ACTR3: variants seen among roughly 807,000 people sequenced by gnomAD.
ACTR3 encodes actin related protein 3.
Under a neutral mutation model 56.8 loss-of-function variants are expected in ACTR3, and 12 were observed. That is an observed-to-expected ratio of 0.21 (90% CI 0.14 to 0.34). ACTR3 has a LOEUF of 0.34. ACTR3 is among the 10% of genes least tolerant of loss of function. The pLI is 1.00. For synonymous variants in ACTR3, 162 were observed against 167.4 expected, an observed-to-expected ratio of 0.97 and a Z score of 0.25; for missense variants, 282 against 512.5, an observed-to-expected ratio of 0.55 and a Z score of 4.34.
rs1680319052 is a variant in ACTR3, at chr2:113,961,198, G to A, written c.*3743G>A. 1 of 151,916 alleles carries A rather than the reference G, an allele frequency of 6.6e-6. No individual in the cohort carries two copies. The highest frequency in any genetic ancestry group is 1.5e-5 in the Non-Finnish European group (1 of 67,906). The allele number at this position is 151,916 out of a possible 1,614,324, so 9.4% of individuals were successfully genotyped here. On this transcript the variant is annotated 3_prime_UTR_variant, in exon 12 of 12. Transcript: ENST00000263238. ...GATATGAGAACTTTTATTATAATTT[G>A]CCTCAGTCTTGATAGAATCTTAACA...
chr2:113,934,591 A>G (rs2104612606), intron 6 of ACTR3: 1 of 348,118 alleles, frequency 2.9e-6, no homozygotes. Flanking sequence ...TTGTACTGCA[A>G]TTAAGAAAAT....
In ACTR3 at chr2:113,960,193, A is replaced by G. The variant is rs1303720346; in HGVS notation, c.*2738A>G. On this transcript the variant is annotated 3_prime_UTR_variant, in exon 12 of 12. Coordinates refer to ENST00000263238, the MANE Select transcript of ACTR3 (RefSeq NM_005721.5). ...TGGACAAATAAAATCAATGATCATT[A>G]TCTAACTTGATGCCTGCTTTTCAAA... 6.6e-6 allele frequency: 1 copy of G among 151,992 alleles called. No individual in the cohort carries two copies. 9.4% of individuals were successfully genotyped at this position (151,992 alleles called of 1,614,324 possible). A position where few individuals can be genotyped will look rare whatever the true frequency, so the allele number is the denominator to read the frequency against.
At chr2:113,927,004 T>A (rs1679633268) in intron 3 of ACTR3, among the ~76,000 whole-genome samples, 1 of 152,228 alleles carries the variant, frequency 6.6e-6, no homozygotes, top group Non-Finnish European at 1.5e-5. Flanking sequence ...TAAAGTATAG[T>A]TTTTTAGGCT....
intron 1 of ACTR3, 63 bp from the exon 2 acceptor site, chr2:113,913,109 A>T: frequency 8.9e-7 from 1 of 1,124,626 alleles, no homozygotes; most frequent in Non-Finnish European, 1.3e-6. Flanking sequence ...ATGAAATTCT[A>T]AGAAAGAAAT....
At position 113,890,134 on chromosome 2, in the gene ACTR3, A is replaced by G. The variant is rs867851093; in HGVS notation, c.-146A>G. The G allele has an allele frequency of 6.0e-6, 6 of 1,006,646 alleles. No individual in the cohort carries two copies. The Admixed American group carries it at 6.4e-5, about 11-fold the overall frequency. 62.4% of individuals were successfully genotyped at this position (1,006,646 alleles called of 1,614,324 possible). ...CGACCGAGCCTGCTGCTTTCTTGCT[A>G]CTGCTTCGGCTTCCCGGCTACCCCC... On this transcript the variant is annotated 5_prime_UTR_variant, in exon 1 of 12. Coordinates refer to ENST00000263238, the MANE Select transcript of ACTR3 (RefSeq NM_005721.5).
rs896676691 is a variant in ACTR3, at chr2:113,958,182, AAAC to A, written c.*736_*738del. ...GTAGTGTCATTTCTTATAAAAAACA[AAAC>A]AACAACAATAATTTATCAAAATTGG... is the stretch of plus-strand genomic sequence containing the variant. On this transcript the variant is annotated 3_prime_UTR_variant, in exon 12 of 12. Coordinates refer to ENST00000263238, the MANE Select transcript of ACTR3 (RefSeq NM_005721.5). 1.9e-4 allele frequency: 29 copies of A among 152,754 alleles called. No individual in the cohort carries two copies. In the East Asian group the frequency reaches 3.7e-3, roughly 19 times the overall value. 9.5% of individuals were successfully genotyped at this position (152,754 alleles called of 1,614,324 possible). A position where few individuals can be genotyped will look rare whatever the true frequency, so the allele number is the denominator to read the frequency against.
At position 113,922,090 on chromosome 2, in the gene ACTR3, A is replaced by C. The variant is rs1358550290; in HGVS notation, c.225+5082A>C. 5.3e-5 allele frequency among the ~76,000 whole-genome samples: 8 copies of C among 152,306 alleles called. No homozygotes were observed. In the East Asian group the frequency reaches 1.5e-3, roughly 29 times the overall value. Reference sequence around the variant, plus strand: ...TTGTAACCTGAATGAGAATAGTTTTAGAAGAGTAGTTGGGCTAGATGAAAG... The same window carrying C: ...TTGTAACCTGAATGAGAATAGTTTTCGAAGAGTAGTTGGGCTAGATGAAAG... On this transcript the variant is annotated intron_variant, in intron 3 of 11. Coordinates refer to ENST00000263238, the MANE Select transcript of ACTR3 (RefSeq NM_005721.5).
chr2:113,928,275 A>G (rs1163484393), intron 4 of ACTR3, among the ~76,000 whole-genome samples: 1 of 152,140 alleles, frequency 6.6e-6, no homozygotes, highest in African/African-American at 2.4e-5. Context: ...CACAATCTAG[A>G]TTCGATGATT....
chr2:113,931,860 TCCCAC>T (rs1231013789), intron 5 of ACTR3, among the ~76,000 whole-genome samples: 3 of 151,958 alleles, frequency 2.0e-5, no homozygotes, highest in African/African-American at 7.2e-5. Context: ...ACAGCTTCTC[TCCCAC>T]CCCTCAGGAT....
chr2:113,955,364 C>G (rs569977490), intron 10 of ACTR3: 2 of 279,830 alleles, frequency 7.1e-6, no homozygotes, highest in Non-Finnish European at 1.3e-5. Context: ...CATTTAGATT[C>G]TTAAAGTCAG....
intron 6 of ACTR3, among the ~76,000 whole-genome samples, chr2:113,934,860 G>T (rs1388229667): frequency 1.3e-5 from 2 of 152,126 alleles, no homozygotes; most frequent in East Asian, 3.9e-4. Context: ...CAAGGCCGTT[G>T]TGCTTCAGTT....
intron 2 of ACTR3, among the ~76,000 whole-genome samples, chr2:113,916,320 A>T (rs1679404287): frequency 6.6e-6 from 1 of 152,112 alleles, no homozygotes; most frequent in Non-Finnish European, 1.5e-5. Context: ...ATTTAAGGAT[A>T]TTGTTGTGGG....
At chr2:113,949,396 A>G (rs1170666403) in intron 8 of ACTR3, among the ~76,000 whole-genome samples, 9 of 146,968 alleles carry the variant, frequency 6.1e-5, no homozygotes, top group Non-Finnish European at 4.5e-5. Flanking sequence ...AAAAAAAAGA[A>G]AAAAAAAAAG....
At chr2:113,890,727 C>A in intron 1 of ACTR3, 4 of 1,069,284 alleles carry the variant, frequency 3.7e-6, no homozygotes, top group Non-Finnish European at 4.5e-6. Context: ...GACCCAGGGG[C>A]CGAGCTCGGG....
intron 10 of ACTR3, chr2:113,954,427 A>T (rs1379078261): frequency 6.6e-6 from 1 of 152,210 alleles, no homozygotes; most frequent in Middle Eastern, 3.4e-3. Flanking sequence ...GACTTGTTTT[A>T]CTATAAGCAA....
chr2:113,916,168 T>C (rs1458625677), intron 2 of ACTR3, among the ~76,000 whole-genome samples: 1 of 152,182 alleles, frequency 6.6e-6, no homozygotes, highest in Admixed American at 6.5e-5. Context: ...AAAGTAACAG[T>C]TGAATGCCAG....
intron 7 of ACTR3, among the ~76,000 whole-genome samples, chr2:113,941,516 C>T (rs1441555109): frequency 1.3e-5 from 2 of 151,446 alleles, no homozygotes; most frequent in African/African-American, 4.9e-5. Flanking sequence ...TGGATGGTGC[C>T]TGTGATGTGT....
At chr2:113,901,702 T>C (rs1239638447) in intron 1 of ACTR3, among the ~76,000 whole-genome samples, 3 of 152,232 alleles carry the variant, frequency 2.0e-5, no homozygotes, top group Non-Finnish European at 4.4e-5. Flanking sequence ...TATTTTGTTA[T>C]ATCATTTCAT....
At chr2:113,921,520 G>T (rs1398892843) in intron 3 of ACTR3, among the ~76,000 whole-genome samples, 2 of 151,876 alleles carry the variant, frequency 1.3e-5, no homozygotes, top group Non-Finnish European at 1.5e-5. Context: ...GTGCTTCTGA[G>T]GTCTTATTTG....
Sources: gnomAD v4.1 joint callset for allele counts (sites outside exome capture counted in the v4.1 genomes callset) on GRCh38, gnomAD v4.1.1 for gene constraint, MANE v1.5 for transcripts, NCBI Gene and HGNC (gene_info 2026-07-23, HGNC 2026-07-21) for gene names.